CDC42SE2: variants seen among roughly 807,000 people sequenced by gnomAD.
CDC42SE2 encodes CDC42 small effector protein 2.
In CDC42SE2, 3 loss-of-function variants were observed where a neutral mutation model predicts 11.5. That is an observed-to-expected ratio of 0.26 (90% CI 0.12 to 0.67). The LOEUF (loss-of-function observed/expected upper bound fraction) is 0.67. Ranked by LOEUF, CDC42SE2 falls within the 30% of genes least tolerant of loss-of-function variation. The probability of loss-of-function intolerance (pLI) is 0.80; values close to 1 mark genes in which losing one functional copy is unlikely to be tolerated. For synonymous variants in CDC42SE2, 33 were observed against 34.8 expected (o/e 0.95, Z 0.18); for missense variants, 82 against 106.8 (o/e 0.77, Z 1.02).
intron 1 of CDC42SE2, among the ~76,000 whole-genome samples, chr5:131,271,996 TTTTTGTTTTG>T (rs138789202): frequency 5.9e-5 from 9 of 151,714 alleles, no homozygotes; most frequent in East Asian, 5.8e-4. Context: ...TTGCTGGTTG[TTTTTGTTTTG>T]TTTTGTTTTG....
At chr5:131,214,024 C>T in the CDC42SE2 span, among the ~76,000 whole-genome samples, 1 of 151,996 alleles carries the variant, frequency 6.6e-6, no homozygotes, top group Non-Finnish European at 1.5e-5. Context: ...GGGTGGAAGA[C>T]CAGCAAGGAA....
intron 2 of CDC42SE2, among the ~76,000 whole-genome samples, chr5:131,343,093 G>A (rs543772559): frequency 1.6e-4 from 24 of 152,144 alleles, no homozygotes; most frequent in Non-Finnish European, 3.1e-4. Context: ...AAAACTGTAC[G>A]TAGTAGGACA....
chr5:131,238,775 A>G, the CDC42SE2 span, among the ~76,000 whole-genome samples: 1 of 151,894 alleles, frequency 6.6e-6, no homozygotes, highest in Non-Finnish European at 1.5e-5. Flanking sequence ...TAATTTCTAG[A>G]AATTTTATGT....
upstream of CDC42SE2, among the ~76,000 whole-genome samples, chr5:131,243,103 T>C (rs182804952): frequency 8.3e-4 from 127 of 152,310 alleles, no homozygotes; most frequent in Non-Finnish European, 3.7e-4. Context: ...TGACTCATTT[T>C]TTGTATTTTT....
At chr5:131,299,179 A>C (rs1196235170) in intron 1 of CDC42SE2, among the ~76,000 whole-genome samples, 1 of 152,338 alleles carries the variant, frequency 6.6e-6, no homozygotes, top group Middle Eastern at 3.4e-3. Flanking sequence ...AAGTCATACG[A>C]GGAGACTTTC....
chr5:131,360,406 C>T (rs1260974587), intron 3 of CDC42SE2, among the ~76,000 whole-genome samples: 2 of 152,218 alleles, frequency 1.3e-5, no homozygotes, highest in African/African-American at 4.8e-5. Flanking sequence ...AGGCGTGAGC[C>T]ACTGCACCTG....
At chr5:131,254,490 T>C (rs1254897458) in intron 1 of CDC42SE2, among the ~76,000 whole-genome samples, 1 of 149,378 alleles carries the variant, frequency 6.7e-6, no homozygotes, top group East Asian at 2.0e-4. Flanking sequence ...TGCAGTGAGC[T>C]GAGATGGCGC....
intron 1 of CDC42SE2, among the ~76,000 whole-genome samples, chr5:131,294,016 C>CT (rs972605411): frequency 6.6e-6 from 1 of 152,158 alleles, no homozygotes; most frequent in Non-Finnish European, 1.5e-5. Flanking sequence ...TAATGTCACA[C>CT]TGAGCCACTC....
chr5:131,256,068 C>T (rs559217201), intron 2 of CDC42SE2, among the ~76,000 whole-genome samples: 11 of 152,294 alleles, frequency 7.2e-5, no homozygotes, highest in African/African-American at 2.4e-4. Flanking sequence ...CACTGTCTTT[C>T]GTCTTCAGAG....
chr5:131,248,194 C>T (rs932582516), intron 1 of CDC42SE2, among the ~76,000 whole-genome samples: 2 of 151,710 alleles, frequency 1.3e-5, no homozygotes, highest in Non-Finnish European at 2.9e-5. Flanking sequence ...GGTTGGAATA[C>T]AGTGGCGCGA....
At chr5:131,270,556 T>C (rs1756972530) in intron 1 of CDC42SE2, among the ~76,000 whole-genome samples, 1 of 152,154 alleles carries the variant, frequency 6.6e-6, no homozygotes. Context: ...CTGAAAGGTT[T>C]AATGGGTGGA....
At chr5:131,346,486 T>A (rs995455191) in intron 2 of CDC42SE2, among the ~76,000 whole-genome samples, 1 of 151,666 alleles carries the variant, frequency 6.6e-6, no homozygotes, top group African/African-American at 2.4e-5. Context: ...AATACAGGAG[T>A]ACCCAGATTC....
chr5:131,252,765 T>C (rs1462270227), intron 1 of CDC42SE2, among the ~76,000 whole-genome samples: 1 of 152,242 alleles, frequency 6.6e-6, no homozygotes, highest in East Asian at 1.9e-4. Context: ...ACTCATTCTC[T>C]AGTTCCCTAA....
upstream of CDC42SE2, among the ~76,000 whole-genome samples, chr5:131,244,975 G>A (rs1756568771): frequency 6.6e-6 from 1 of 152,164 alleles, no homozygotes; most frequent in South Asian, 2.1e-4. Context: ...CAAAGAAAAT[G>A]TAATGGCAAA....
chr5:131,362,781 C>A (rs798412), intron 3 of CDC42SE2, among the ~76,000 whole-genome samples: 34,353 of 152,030 alleles, frequency 0.23, 4,314 homozygotes, highest in East Asian at 0.49. Flanking sequence ...GCTGTAGTTG[C>A]TGTTGCTAGA....
intron 2 of CDC42SE2, among the ~76,000 whole-genome samples, chr5:131,324,119 C>A (rs1758249710): frequency 6.6e-6 from 1 of 152,112 alleles, no homozygotes; most frequent in Non-Finnish European, 1.5e-5. Flanking sequence ...ATTGTTATTG[C>A]AGAGTACCTA....
At chr5:131,340,802 C>A (rs1758694192) in intron 2 of CDC42SE2, among the ~76,000 whole-genome samples, 1 of 151,896 alleles carries the variant, frequency 6.6e-6, no homozygotes, top group Non-Finnish European at 1.5e-5. Context: ...CTCAGCCTCC[C>A]AAATAGCTGG....
At chr5:131,218,214 A>T in the CDC42SE2 span, among the ~76,000 whole-genome samples, 4 of 151,994 alleles carry the variant, frequency 2.6e-5, no homozygotes, top group Non-Finnish European at 5.9e-5. Context: ...GAAGGAAAGA[A>T]AAAGAAAAAT....
At chr5:131,290,409 C>A (rs1047665889) in intron 1 of CDC42SE2, among the ~76,000 whole-genome samples, 2 of 151,000 alleles carry the variant, frequency 1.3e-5, no homozygotes. Flanking sequence ...TAAATTATTT[C>A]ACTTTTTAAT....
Sources: gnomAD v4.1 joint callset for allele counts (sites outside exome capture counted in the v4.1 genomes callset) on GRCh38, gnomAD v4.1.1 for gene constraint, MANE v1.5 for transcripts, NCBI Gene and HGNC (gene_info 2026-07-23, HGNC 2026-07-21) for gene names.